The following PI4KB variants were observed in gnomAD, a reference collection of about 807,000 sequenced individuals.
PI4KB encodes phosphatidylinositol 4-kinase beta.
A neutral mutation model predicts 81.4 loss-of-function variants in PI4KB; 23 were observed. That is an observed-to-expected ratio of 0.28 (90% CI 0.20 to 0.40). PI4KB has a LOEUF of 0.40. Among genes scored for constraint, PI4KB ranks in the 10% least tolerant of loss-of-function variants. The pLI is 1.00. For synonymous variants in PI4KB, 381 were observed against 406.8 expected, an observed-to-expected ratio of 0.94 and a Z score of 0.76; for missense variants, 651 against 1,036.6, an observed-to-expected ratio of 0.63 and a Z score of 5.11.
intron 1 of PI4KB, among the ~76,000 whole-genome samples, chr1:151,320,100 C>A (rs1485683315): frequency 6.6e-6 from 1 of 152,192 alleles, no homozygotes; most frequent in Non-Finnish European, 1.5e-5. Flanking sequence ...GTGGTGCAAT[C>A]TTGGCTCACT....
At chr1:151,311,573 A>G (rs1248479969) in intron 2 of PI4KB, among the ~76,000 whole-genome samples, 1 of 152,224 alleles carries the variant, frequency 6.6e-6, no homozygotes, top group African/African-American at 2.4e-5. Context: ...GTCAGAGTCT[A>G]TTATGAATTA....
intron 8 of PI4KB, among the ~76,000 whole-genome samples, chr1:151,299,694 A>G (rs587775681): frequency 3.3e-5 from 5 of 152,216 alleles, no homozygotes; most frequent in African/African-American, 1.2e-4. Context: ...TCTCCGACGA[A>G]AAAAAAGAAA....
chr1:151,302,182 C>A lies in PI4KB; in HGVS notation c.1625+12G>T. The A allele has an allele frequency of 6.3e-7, 1 of 1,593,602 alleles. No homozygotes were observed. Among genetic ancestry groups the A allele is most frequent in the Non-Finnish European group, 8.6e-7 (1 of 1,161,346 alleles). On this transcript the variant is annotated intron_variant, in intron 7 of 11. Coordinates refer to ENST00000368873, the MANE Select transcript of PI4KB (RefSeq NM_001369623.2). Reference sequence around the variant, plus strand: ...GCTTTGAGAGGGGTTCAGAGACCCACACCCAACTCACCGTACTTTCTCCTG... The same window carrying A: ...GCTTTGAGAGGGGTTCAGAGACCCAAACCCAACTCACCGTACTTTCTCCTG...
chr1:151,316,529 G>A lies in PI4KB; in HGVS notation c.-28-20C>T, dbSNP rs748789075. 6.7e-6 allele frequency: 10 copies of A among 1,492,736 alleles called. 1 individual carries two copies. In the East Asian group the frequency reaches 1.2e-4, roughly 17 times the overall value. 92.5% of individuals were successfully genotyped at this position (1,492,736 alleles called of 1,614,324 possible). A position where few individuals can be genotyped will look rare whatever the true frequency, so the allele number is the denominator to read the frequency against. On this transcript the variant is annotated intron_variant, in intron 1 of 11. Transcript: ENST00000368873. ...TCCAAGCTACAGGAAGAGGGAGGGA[G>A]AAAAGAACAGAAAGGGAGACACATA...
chr1:151,325,960 C>G (rs1649551971), intron 1 of PI4KB, among the ~76,000 whole-genome samples: 1 of 152,260 alleles, frequency 6.6e-6, no homozygotes, highest in South Asian at 2.1e-4. Context: ...TCTGAATGTA[C>G]AAGCTCTTTC....
intron 1 of PI4KB, among the ~76,000 whole-genome samples, chr1:151,323,200 AG>A (rs1354821022): frequency 6.6e-6 from 1 of 152,262 alleles, no homozygotes; most frequent in Non-Finnish European, 1.5e-5. Context: ...TGTAACAATA[AG>A]TAAAGAAATA....
rs772464055 is a variant in PI4KB, at chr1:151,293,075, AG to A, written c.2270-43del. 909 of 1,604,904 alleles carry A rather than the reference AG, an allele frequency of 5.7e-4. 5 individuals carry two copies. The highest frequency in any genetic ancestry group is 1.4e-3 in the East Asian group (64 of 44,770). ...GAGTTCAGGGTCATGGATGGACGGG[AG>A]GGGCAGTGGTGTCAGCCATAGCAAA... is the stretch of plus-strand genomic sequence containing the variant. On this transcript the variant is annotated intron_variant, in intron 11 of 11. Coordinates refer to ENST00000368873, the MANE Select transcript of PI4KB (RefSeq NM_001369623.2).
chr1:151,316,616 C>T, intron 1 of PI4KB, 107 bp from the exon 2 acceptor site: 5 of 712,496 alleles, frequency 7.0e-6, no homozygotes, highest in Non-Finnish European at 1.1e-5. Flanking sequence ...TTCCCAGGCA[C>T]CTCCTCTTTT....
At chr1:151,306,968 A>G (rs965901405) in intron 4 of PI4KB, among the ~76,000 whole-genome samples, 1 of 152,124 alleles carries the variant, frequency 6.6e-6, no homozygotes, top group African/African-American at 2.4e-5. Context: ...CCAGCTACTC[A>G]GGAGGCTAAG....
intron 2 of PI4KB, among the ~76,000 whole-genome samples, chr1:151,314,849 ACCT>A (rs1258239037): frequency 6.6e-6 from 1 of 152,174 alleles, no homozygotes; most frequent in Non-Finnish European, 1.5e-5. Flanking sequence ...AGACAATAGT[ACCT>A]TTTCCTTTCC....
rs139136043 is a variant in PI4KB at position 151,323,629 on chromosome 1, G to A, written c.-29+3642C>T. Among the ~76,000 whole-genome samples, 778 of 152,304 alleles carry A rather than the reference G, an allele frequency of 5.1e-3. 8 individuals are homozygous for A. Among genetic ancestry groups the A allele is most frequent in the African/African-American group, 0.018 (745 of 41,562 alleles). The stretch of plus-strand genomic sequence containing the variant: ...AATCCCAGCTACTCGGGAGGCTGAG[G>A]CAGGAGAACTGCTTGAACCCTGAGG... On this transcript the variant is annotated intron_variant, in intron 1 of 11. Coordinates refer to ENST00000368873, the MANE Select transcript of PI4KB (RefSeq NM_001369623.2).
chr1:151,327,374 G>A lies in PI4KB; in HGVS notation c.-132C>T. 2.5e-6 allele frequency: 1 copy of A among 394,888 alleles called. No homozygotes were observed. Among genetic ancestry groups the A allele is most frequent in the Non-Finnish European group, 4.4e-6 (1 of 225,620 alleles). 24.5% of individuals were successfully genotyped at this position (394,888 alleles called of 1,614,324 possible). A position where few individuals can be genotyped will look rare whatever the true frequency, so the allele number is the denominator to read the frequency against. On this transcript the variant is annotated 5_prime_UTR_variant, in exon 1 of 12. Transcript: ENST00000368873. ...CTCCCGGGTTCCATTGGCCGCCTGC[G>A]CTTCCCTGACAGCGGCCGCGGAGGC... is the stretch of plus-strand genomic sequence containing the variant.
At chr1:151,297,524 T>C (rs901501367) in intron 9 of PI4KB, among the ~76,000 whole-genome samples, 1 of 151,230 alleles carries the variant, frequency 6.6e-6, no homozygotes, top group Non-Finnish European at 1.5e-5. Flanking sequence ...TATGTATGTG[T>C]ATGTATATAT....
At chr1:151,326,048 A>C in intron 1 of PI4KB, 1 of 970,186 alleles carries the variant, frequency 1.0e-6, no homozygotes, top group East Asian at 2.5e-5. Flanking sequence ...AACCAAAACT[A>C]TTCTAGTAAA....
intron 3 of PI4KB, among the ~76,000 whole-genome samples, chr1:151,308,905 G>A (rs182220427): frequency 2.0e-5 from 3 of 151,982 alleles, no homozygotes; most frequent in Admixed American, 6.6e-5. Flanking sequence ...TTGCTCCCTC[G>A]AACTCTAAAA....
chr1:151,294,287 C>T (rs1694606087), intron 10 of PI4KB, 122 bp downstream of exon 10: 3 of 1,465,006 alleles, frequency 2.0e-6, no homozygotes, highest in Non-Finnish European at 2.8e-6. Flanking sequence ...GAACTCCTGC[C>T]TCACCCCTAA....
chr1:151,308,085 TA>T (rs1312971887), intron 3 of PI4KB, among the ~76,000 whole-genome samples: 1 of 152,198 alleles, frequency 6.6e-6, no homozygotes, highest in Non-Finnish European at 1.5e-5. Flanking sequence ...TTGGGTTCCT[TA>T]AGGACTGTAC....
At chr1:151,323,337 T>C (rs1649117649) in intron 1 of PI4KB, among the ~76,000 whole-genome samples, 1 of 151,796 alleles carries the variant, frequency 6.6e-6, no homozygotes, top group Non-Finnish European at 1.5e-5. Context: ...AAACCCCGTC[T>C]CTACTAAAAA....
At chr1:151,325,643 G>C (rs1391426205) in intron 1 of PI4KB, among the ~76,000 whole-genome samples, 4 of 152,192 alleles carry the variant, frequency 2.6e-5, no homozygotes, top group African/African-American at 9.7e-5. Context: ...AGCAGATGAA[G>C]GAAGCAGGCC....
Sources: gnomAD v4.1 joint callset for allele counts (sites outside exome capture counted in the v4.1 genomes callset) on GRCh38, gnomAD v4.1.1 for gene constraint, MANE v1.5 for transcripts, NCBI Gene and HGNC (gene_info 2026-07-23, HGNC 2026-07-21) for gene names.